Variants in DCAF8L2 observed in about 807,000 individuals in gnomAD.
The protein encoded by DCAF8L2 is DDB1 and CUL4 associated factor 8 like 2.
For synonymous variants in DCAF8L2, 200 were observed against 190.9 expected, an observed-to-expected ratio of 1.05 and a Z score of -0.39; for missense variants, 430 against 490.7, an observed-to-expected ratio of 0.88 and a Z score of 1.17.
chrX:27,728,881 A>T, intron 4 of DCAF8L2, among the ~76,000 whole-genome samples: 1 of 111,532 alleles, frequency 9.0e-6, no homozygotes, highest in South Asian at 3.8e-4. Flanking sequence ...TCTAATATTA[A>T]TATATCAGGA....
the DCAF8L2 span, among the ~76,000 whole-genome samples, chrX:27,508,646 G>A: frequency 9.6e-6 from 1 of 104,437 alleles, no homozygotes; most frequent in African/African-American, 3.5e-5. Flanking sequence ...CAGGCCTCAT[G>A]GGTCTGAATA....
At chrX:27,676,761 C>T (rs769477097) in intron 2 of DCAF8L2, among the ~76,000 whole-genome samples, 45 of 111,505 alleles carry the variant, frequency 4.0e-4, no homozygotes, top group Non-Finnish European at 7.7e-4. Context: ...TCTTGGCATT[C>T]GGTATTCATG....
the DCAF8L2 span, chrX:27,517,719 G>C: frequency 2.0e-6 from 2 of 1,024,972 alleles, no homozygotes; most frequent in Non-Finnish European, 2.7e-6. Context: ...GCTTTTCTCT[G>C]TTGGTGGTTC....
chrX:27,647,440 A>G (rs1181467033), intron 2 of DCAF8L2, among the ~76,000 whole-genome samples: 2 of 111,450 alleles, frequency 1.8e-5, no homozygotes, highest in African/African-American at 6.5e-5. Flanking sequence ...GCATTAGAGA[A>G]AAGAACTAAT....
chrX:27,641,750 G>A (rs950237483), intron 2 of DCAF8L2, among the ~76,000 whole-genome samples: 1 of 110,426 alleles, frequency 9.1e-6, no homozygotes, highest in Non-Finnish European at 1.9e-5. Context: ...GGGACTACAG[G>A]CGTGAGCCAC....
the DCAF8L2 span, among the ~76,000 whole-genome samples, chrX:27,492,019 G>A: frequency 1.8e-5 from 2 of 111,887 alleles, no homozygotes; most frequent in Admixed American, 9.5e-5. Context: ...TCTGATTTTC[G>A]AAAATACCAC....
chrX:27,497,542 TTCC>T, the DCAF8L2 span, among the ~76,000 whole-genome samples: 9 of 85,382 alleles, frequency 1.1e-4, no homozygotes, highest in African/African-American at 4.1e-4. Context: ...CCTTCCTTCC[TTCC>T]TTCCTTCTTT....
chrX:27,550,241 A>C, the DCAF8L2 span, among the ~76,000 whole-genome samples: 1 of 111,882 alleles, frequency 8.9e-6, no homozygotes, highest in Non-Finnish European at 1.9e-5. Context: ...AATTGTTAAA[A>C]CTTTTTATTA....
chrX:27,566,441 C>T, the DCAF8L2 span, among the ~76,000 whole-genome samples: 1 of 110,524 alleles, frequency 9.0e-6, no homozygotes, highest in Non-Finnish European at 1.9e-5. Context: ...GTTCAGATTT[C>T]CTATTTCATC....
chrX:27,613,263 G>C (rs1211203118), intron 1 of DCAF8L2, among the ~76,000 whole-genome samples: 1 of 111,294 alleles, frequency 9.0e-6, no homozygotes, highest in Non-Finnish European at 1.9e-5. Flanking sequence ...TCTGTTATTG[G>C]TGTATAGGAA....
At chrX:27,691,883 G>A (rs1317911091) in intron 3 of DCAF8L2, among the ~76,000 whole-genome samples, 2 of 111,589 alleles carry the variant, frequency 1.8e-5, no homozygotes, top group African/African-American at 6.5e-5. Context: ...TTGAAGCCTA[G>A]GAGATTAAAA....
chrX:27,502,048 C>T, the DCAF8L2 span, among the ~76,000 whole-genome samples: 2 of 107,893 alleles, frequency 1.9e-5, no homozygotes, highest in African/African-American at 3.4e-5. Flanking sequence ...TGGTTGGGCA[C>T]GGTGGCTCAC....
chrX:27,482,968 T>C, the DCAF8L2 span, among the ~76,000 whole-genome samples: 10 of 111,643 alleles, frequency 9.0e-5, no homozygotes, highest in African/African-American at 3.2e-4. Flanking sequence ...TGTGTTTTTT[T>C]GTGTATTTTC....
chrX:27,713,849 G>C (rs1041340805), intron 3 of DCAF8L2, among the ~76,000 whole-genome samples: 1 of 111,187 alleles, frequency 9.0e-6, no homozygotes, highest in Non-Finnish European at 1.9e-5. Flanking sequence ...TAGTTTGCTG[G>C]CCACTGATAT....
intron 3 of DCAF8L2, among the ~76,000 whole-genome samples, chrX:27,713,920 CCAATATA>C (rs1036659831): frequency 2.7e-5 from 3 of 110,810 alleles, no homozygotes; most frequent in African/African-American, 9.8e-5. Context: ...TTGAGAGGAT[CCAATATA>C]CAAGTATAGA....
chrX:27,545,009 A>G, the DCAF8L2 span, among the ~76,000 whole-genome samples: 2 of 112,303 alleles, frequency 1.8e-5, no homozygotes, highest in Non-Finnish European at 3.7e-5. Context: ...TAAAAATTTT[A>G]GCAGTTTAAA....
chrX:27,508,770 G>T, the DCAF8L2 span, among the ~76,000 whole-genome samples: 2 of 104,875 alleles, frequency 1.9e-5, no homozygotes, highest in Non-Finnish European at 3.9e-5. Flanking sequence ...AAGTCTCTTC[G>T]ACTTTTGTAC....
the DCAF8L2 span, among the ~76,000 whole-genome samples, chrX:27,504,590 G>A: frequency 9.0e-6 from 1 of 110,749 alleles, no homozygotes; most frequent in Non-Finnish European, 1.9e-5. Flanking sequence ...GTCCTTTTCT[G>A]GCACTATCTC....
chrX:27,742,511 G>T (rs982418420), intron 4 of DCAF8L2, among the ~76,000 whole-genome samples: 42 of 108,786 alleles, frequency 3.9e-4, no homozygotes, highest in Non-Finnish European at 7.2e-4. Context: ...AGAGGTTGCA[G>T]TGAGCCCAGA....
Sources: gnomAD v4.1 joint callset for allele counts (sites outside exome capture counted in the v4.1 genomes callset) on GRCh38, gnomAD v4.1.1 for gene constraint, MANE v1.5 for transcripts, NCBI Gene and HGNC (gene_info 2026-07-23, HGNC 2026-07-21) for gene names.